MACROD2: variants seen among roughly 807,000 people sequenced by gnomAD.
The protein encoded by MACROD2 is ADP-ribose glycohydrolase MACROD2.
A neutral mutation model predicts 70.4 loss-of-function variants in MACROD2; 36 were observed. The observed-to-expected ratio is 0.51, with a 90% CI of 0.39 to 0.68. The LOEUF (loss-of-function observed/expected upper bound fraction) is 0.68. MACROD2 is among the 30% of genes least tolerant of loss of function. The probability of loss-of-function intolerance (pLI) is 0.00; values close to 1 mark genes in which losing one functional copy is unlikely to be tolerated. For missense variants in MACROD2, 496 were observed against 538.4 expected (o/e 0.92, Z 0.78); for synonymous variants, 172 against 178.8 (o/e 0.96, Z 0.30).
intron 8 of MACROD2, among the ~76,000 whole-genome samples, chr20:15,702,980 A>G (rs1371977905): frequency 6.6e-6 from 1 of 152,172 alleles, no homozygotes; most frequent in Non-Finnish European, 1.5e-5. Context: ...CCAGAAATAA[A>G]GCCACACACC....
intron 7 of MACROD2, among the ~76,000 whole-genome samples, chr20:15,479,473 C>T (rs921957960): frequency 6.6e-5 from 10 of 151,520 alleles, no homozygotes; most frequent in Non-Finnish European, 7.4e-5. Context: ...GGGGTTTCAC[C>T]GTTTTTAGCC....
intron 5 of MACROD2, among the ~76,000 whole-genome samples, chr20:15,098,536 C>G (rs956974461): frequency 2.6e-5 from 4 of 152,212 alleles, no homozygotes; most frequent in Admixed American, 6.5e-5. Flanking sequence ...ACATTTATGC[C>G]ATGACTCACC....
intron 8 of MACROD2, among the ~76,000 whole-genome samples, chr20:15,719,920 G>A (rs1270496001): frequency 1.3e-5 from 2 of 151,784 alleles, no homozygotes; most frequent in Non-Finnish European, 2.9e-5. Context: ...TTGTAACTTT[G>A]TACCCATTGA....
intron 3 of MACROD2, among the ~76,000 whole-genome samples, chr20:14,396,753 G>A (rs551207268): frequency 5.9e-5 from 9 of 151,448 alleles, no homozygotes; most frequent in South Asian, 2.1e-4. Context: ...GTGAAACCCC[G>A]TCACTACTAA....
chr20:14,443,785 C>G (rs1307046279), intron 3 of MACROD2, among the ~76,000 whole-genome samples: 1 of 151,984 alleles, frequency 6.6e-6, no homozygotes, highest in Non-Finnish European at 1.5e-5. Flanking sequence ...GTAAATTGGG[C>G]AAATTACTCA....
intron 6 of MACROD2, among the ~76,000 whole-genome samples, chr20:15,387,825 A>G (rs1600335617): frequency 6.6e-6 from 1 of 151,048 alleles, no homozygotes. Flanking sequence ...GCAGCCTTGA[A>G]CTCCAGCCTC....
At chr20:15,861,634 G>A (rs1432452505) in intron 8 of MACROD2, among the ~76,000 whole-genome samples, 1 of 152,162 alleles carries the variant, frequency 6.6e-6, no homozygotes, top group African/African-American at 2.4e-5. Flanking sequence ...CTTGGGCAGA[G>A]ACTAAGGAGC....
chr20:14,199,611 G>A (rs539889008), intron 3 of MACROD2, among the ~76,000 whole-genome samples: 2 of 152,130 alleles, frequency 1.3e-5, no homozygotes, highest in African/African-American at 4.8e-5. Flanking sequence ...CCTGTTGTGG[G>A]TTGTTTGGTA....
chr20:14,446,883 C>G (rs570488296), intron 3 of MACROD2, among the ~76,000 whole-genome samples: 15 of 152,134 alleles, frequency 9.9e-5, no homozygotes, highest in African/African-American at 3.6e-4. Context: ...GATATTTATT[C>G]TGGAGAAAAC....
At chr20:15,856,245 A>G (rs925163435) in intron 8 of MACROD2, among the ~76,000 whole-genome samples, 1 of 152,198 alleles carries the variant, frequency 6.6e-6, no homozygotes, top group Non-Finnish European at 1.5e-5. Flanking sequence ...TTAGTTTTTA[A>G]TACATCCTAG....
intron 6 of MACROD2, among the ~76,000 whole-genome samples, chr20:15,356,771 G>A (rs759159120): frequency 9.2e-5 from 14 of 152,054 alleles, no homozygotes; most frequent in Non-Finnish European, 1.8e-4. Flanking sequence ...GCCAAAAAGC[G>A]AGACTATCTC....
chr20:14,807,870 A>G (rs1442385886), intron 5 of MACROD2, among the ~76,000 whole-genome samples: 5 of 152,154 alleles, frequency 3.3e-5, no homozygotes, highest in African/African-American at 1.2e-4. Context: ...TAATGAAATA[A>G]AGTGTGAAGA....
At chr20:15,635,014 C>T (rs1042367485) in intron 8 of MACROD2, among the ~76,000 whole-genome samples, 2 of 152,176 alleles carry the variant, frequency 1.3e-5, no homozygotes, top group Admixed American at 6.5e-5. Context: ...AACAGCAATG[C>T]CTTCCTGACC....
chr20:13,997,448 T>C (rs1215057392), intron 1 of MACROD2, among the ~76,000 whole-genome samples: 2 of 152,228 alleles, frequency 1.3e-5, no homozygotes, highest in Admixed American at 6.5e-5. Flanking sequence ...GTGGAAGACA[T>C]AGACATTGTT....
intron 5 of MACROD2, among the ~76,000 whole-genome samples, chr20:14,764,553 G>A (rs937618414): frequency 4.6e-5 from 7 of 152,126 alleles, no homozygotes; most frequent in South Asian, 2.1e-4. Context: ...ATTGTGGCCC[G>A]TAAACTACCT....
chr20:15,313,624 C>G lies in MACROD2; in HGVS notation c.540+83563C>G, dbSNP rs2077777661. 2.0e-5 allele frequency among the ~76,000 whole-genome samples: 3 copies of G among 151,726 alleles called. No homozygotes were observed. In the South Asian group the frequency reaches 6.2e-4, roughly 31 times the overall value. On this transcript the variant is annotated intron_variant, in intron 6 of 17. Coordinates refer to ENST00000684519, the MANE Select transcript of MACROD2 (RefSeq NM_001351661.2). ...ATCCCTCCTAGTGCTCTCACCTTCT[C>G]TGGGGGTTTTCTTCTCATTTCTCTT... is the stretch of plus-strand genomic sequence containing the variant.
intron 3 of MACROD2, among the ~76,000 whole-genome samples, chr20:14,299,715 G>A (rs1269884912): frequency 6.6e-6 from 1 of 152,042 alleles, no homozygotes; most frequent in African/African-American, 2.4e-5. Flanking sequence ...CTTAACCTGG[G>A]AATTTTCTGA....
rs139366066 is a variant in MACROD2 at position 14,251,661 on chromosome 20, A to G, written c.271+165933A>G. ...GCTAAAAATGTCTGCCTCTGAAGCC[A>G]GCAGAAAACAATTATTTAAGCAAGT... is the stretch of plus-strand genomic sequence containing the variant. On this transcript the variant is annotated intron_variant, in intron 3 of 17. Coordinates refer to ENST00000684519, the MANE Select transcript of MACROD2 (RefSeq NM_001351661.2). Among the ~76,000 whole-genome samples, 158 of 152,238 alleles carry G rather than the reference A, an allele frequency of 1.0e-3. 1 individual carries two copies. Among genetic ancestry groups the G allele is most frequent in the African/African-American group, 3.6e-3 (150 of 41,578 alleles).
intron 5 of MACROD2, among the ~76,000 whole-genome samples, chr20:15,211,933 G>C (rs1047397965): frequency 6.6e-6 from 1 of 152,132 alleles, no homozygotes; most frequent in Non-Finnish European, 1.5e-5. Context: ...TTAACATTTT[G>C]AGGAACTAAC....
Sources: gnomAD v4.1 joint callset for allele counts (sites outside exome capture counted in the v4.1 genomes callset) on GRCh38, gnomAD v4.1.1 for gene constraint, MANE v1.5 for transcripts, NCBI Gene and HGNC (gene_info 2026-07-23, HGNC 2026-07-21) for gene names.